The following SPG7 variants were observed in gnomAD, a reference collection of about 807,000 sequenced individuals.
The protein encoded by SPG7 is mitochondrial inner membrane m-AAA protease component paraplegin.
A neutral mutation model predicts 81.9 loss-of-function variants in SPG7; 103 were observed. The ratio of observed to expected loss-of-function variants is 1.26; its 90% CI spans 1.07 to 1.48. The LOEUF is 1.48. Ranked by LOEUF, SPG7 falls within the 40% of genes most tolerant of loss-of-function variation. SPG7 has a pLI of 0.00. For missense variants in SPG7, 1,241 were observed against 1,087.3 expected, an observed-to-expected ratio of 1.14 and a Z score of -1.99; for synonymous variants, 534 against 444.2, an observed-to-expected ratio of 1.20 and a Z score of -2.54.
rs574361328 is a variant in SPG7 at position 89,524,261 on chromosome 16, C to T, written c.618+14C>T. On this transcript the variant is annotated intron_variant, in intron 4 of 16. Transcript: ENST00000645818. ...TTTGGGCGGCCTGTGAGTGAGGGTGCGGGAGGCCTGTGAGTGAGGGTGTGG... is the reference window on the plus strand; with the variant it reads ...TTTGGGCGGCCTGTGAGTGAGGGTGTGGGAGGCCTGTGAGTGAGGGTGTGG... 8.2e-5 allele frequency: 132 copies of T among 1,601,424 alleles called. No homozygotes were observed. In the East Asian group the frequency reaches 2.7e-3, roughly 33 times the overall value.
intron 10 of SPG7, chr16:89,545,030 G>A: frequency 1.9e-6 from 1 of 540,400 alleles, no homozygotes; most frequent in Non-Finnish European, 3.4e-6. Flanking sequence ...TCACTGCTCG[G>A]GGTTTTGCAG....
intron 3 of SPG7, chr16:89,517,898 C>G (rs575363718): frequency 2.0e-5 from 3 of 152,182 alleles, no homozygotes; most frequent in African/African-American, 7.2e-5. Context: ...GGATTATAGG[C>G]GTGAGCCACC....
rs766401031 is a variant in SPG7 at position 89,532,569 on chromosome 16, C to G, written c.1257C>G (p.Thr419=). The G allele has an allele frequency of 8.7e-6, 14 of 1,613,820 alleles. No homozygotes were observed. The highest frequency in any genetic ancestry group is 2.2e-5 in the East Asian group (1 of 44,872). ...EIDAVGKKRS[T]TMSGFSNTEE... Reference sequence around the variant, plus strand: ...ACGCGGTGGGCAAGAAGCGCTCCACCACCATGTCCGGCTTCTCCAACACGG... The same window carrying G: ...ACGCGGTGGGCAAGAAGCGCTCCACGACCATGTCCGGCTTCTCCAACACGG... Residue 419 remains threonine, a synonymous_variant, in exon 9 of 17, where the codon ACC becomes ACG. Coordinates refer to ENST00000645818, the MANE Select transcript of SPG7 (RefSeq NM_003119.4).
intron 4 of SPG7, among the ~76,000 whole-genome samples, chr16:89,525,563 CAAAG>C (rs1240178923): frequency 4.6e-5 from 7 of 152,294 alleles, no homozygotes; most frequent in Admixed American, 2.0e-4. Flanking sequence ...CAGTTAACCT[CAAAG>C]AGAGTCCCGC....
chr16:89,547,971 C>G (rs751183024), intron 11 of SPG7, 32 bp from the exon 12 acceptor site: 2 of 1,551,586 alleles, frequency 1.3e-6, no homozygotes, highest in East Asian at 2.2e-5. Flanking sequence ...CAGAAACCCA[C>G]CCACCCACAC....
At position 89,532,484 on chromosome 16, in the gene SPG7, G is replaced by A. The variant is rs778409451; in HGVS notation, c.1172G>A (p.Arg391Gln). 35 of 1,613,436 alleles carry A rather than the reference G, an allele frequency of 2.2e-5. No homozygotes were observed. The highest frequency in any genetic ancestry group is 8.8e-5 in the South Asian group (8 of 91,092). Residue 391 changes from arginine to glutamine, a missense_variant, in exon 9 of 17, where the codon CGG becomes CAG. Arg to Gln is a conservative substitution (Grantham distance 43). Transcript: ENST00000645818. ...TCAGGCCTCGGCGCTGCCCGTGTGCGGAGCCTCTTTAAGGAAGCCCGAGCC... is the reference window on the plus strand; with the variant it reads ...TCAGGCCTCGGCGCTGCCCGTGTGCAGAGCCTCTTTAAGGAAGCCCGAGCC... ...VIGGLGAARVRSLFKEARARA... is the reference protein window; with the variant it reads ...VIGGLGAARVQSLFKEARARA...
chr16:89,556,756 C>T, intron 16 of SPG7, 131 bp from the exon 17 acceptor site: 1 of 772,086 alleles, frequency 1.3e-6, no homozygotes, highest in Non-Finnish European at 2.4e-6. Context: ...GCCTCCGCTT[C>T]CCTGGGAAAG....
chr16:89,546,846 GT>G, intron 11 of SPG7, 86 bp downstream of exon 11: 1 of 883,686 alleles, frequency 1.1e-6, no homozygotes. Context: ...GGCCTCCTCT[GT>G]GGGGTGGGCG....
rs1259969795 is a variant in SPG7, at chr16:89,557,174, G to C, written c.*81G>C. On this transcript the variant is annotated 3_prime_UTR_variant, in exon 17 of 17. Coordinates refer to ENST00000645818, the MANE Select transcript of SPG7 (RefSeq NM_003119.4). The stretch of plus-strand genomic sequence containing the variant: ...CACCCTGAGTTGCTTTTCAGCTGAG[G>C]TTTGCACTTCCTCTCGCGGCCCTCA... 1.9e-6 allele frequency: 2 copies of C among 1,036,530 alleles called. No individual in the cohort carries two copies. The highest frequency in any genetic ancestry group is 1.5e-6 in the Non-Finnish European group (1 of 676,196). 64.2% of individuals were successfully genotyped at this position (1,036,530 alleles called of 1,614,324 possible).
At chr16:89,523,390 G>A in intron 3 of SPG7, 1 of 314,468 alleles carries the variant, frequency 3.2e-6, no homozygotes, top group South Asian at 2.7e-5. Context: ...TCTTCAGTGG[G>A]ATTGGGAAGG....
At chr16:89,531,299 G>A (rs1002865918) in intron 7 of SPG7, 3 of 253,500 alleles carry the variant, frequency 1.2e-5, no homozygotes, top group South Asian at 5.0e-5. Context: ...TGAGGCAGGG[G>A]AGTGACTGAG....
At chr16:89,535,427 G>A (rs549341824) in intron 9 of SPG7, among the ~76,000 whole-genome samples, 63 of 152,332 alleles carry the variant, frequency 4.1e-4, no homozygotes, top group Middle Eastern at 3.4e-3. Flanking sequence ...TGTGCAGGAC[G>A]CAACGACGTT....
Position 89,529,575 on chromosome 16 carries a change from C to G in SPG7, c.857C>G (p.Ala286Gly). 6.2e-7 allele frequency: 1 copy of G among 1,608,706 alleles called. No individual in the cohort carries two copies. The highest frequency in any genetic ancestry group is 8.5e-7 in the Non-Finnish European group (1 of 1,175,172). The part of the protein sequence containing the change: ...GMTGREGGFS[A>G]FNQLKMARFT... The stretch of plus-strand genomic sequence containing the variant: ...ACTGGAAGGGAAGGTGGATTCAGTG[C>G]TTTTGTAAGTTCTGTAAATCAGAGC... The change falls in exon 6 of 17, where the codon GCT becomes GGT. Residue 286 changes from alanine to glycine, a missense_variant. Ala to Gly is a moderately conservative substitution (Grantham distance 60). Coordinates refer to ENST00000645818, the MANE Select transcript of SPG7 (RefSeq NM_003119.4).
intron 12 of SPG7, chr16:89,548,345 C>T (rs939264132): frequency 7.9e-6 from 4 of 507,052 alleles, no homozygotes; most frequent in African/African-American, 3.9e-5. Context: ...ATAAAAAATG[C>T]CTTGCCAAAG....
intron 8 of SPG7, among the ~76,000 whole-genome samples, 164 bp from the exon 9 acceptor site, chr16:89,532,299 G>A (rs2058354788): frequency 2.0e-5 from 3 of 152,212 alleles, no homozygotes; most frequent in Admixed American, 2.0e-4. Context: ...AACCCTGAGG[G>A]GTGGCCAGGG....
intron 9 of SPG7, chr16:89,542,294 G>A (rs11642231): frequency 0.34 from 51,568 of 152,074 alleles, 9,129 homozygotes; most frequent in Admixed American, 0.37. Context: ...GCCTTGGCAG[G>A]CCTTCCAGAC....
Position 89,524,271 on chromosome 16 carries a change from G to A in SPG7, c.618+24G>A, listed in dbSNP as rs1452573343. ...CTGTGAGTGAGGGTGCGGGAGGCCT[G>A]TGAGTGAGGGTGTGGGCACAGGCTG... On this transcript the variant is annotated intron_variant, in intron 4 of 16. Transcript: ENST00000645818. 3.1e-6 allele frequency: 5 copies of A among 1,596,552 alleles called. No individual in the cohort carries two copies. In the East Asian group the frequency reaches 1.1e-4, roughly 36 times the overall value.
At chr16:89,527,467 A>G (rs2058280022) in intron 5 of SPG7, 1 of 152,230 alleles carries the variant, frequency 6.6e-6, no homozygotes, top group African/African-American at 2.4e-5. Context: ...TTTGTTTTCA[A>G]AAGTAAGCGA....
intron 4 of SPG7, among the ~76,000 whole-genome samples, chr16:89,525,681 G>A (rs890815366): frequency 2.6e-5 from 4 of 152,224 alleles, no homozygotes; most frequent in Admixed American, 6.5e-5. Context: ...TTGGAGAATC[G>A]TGTGCCAGGG....
Sources: allele counts gnomAD v4.1 joint callset (sites outside exome capture counted in the v4.1 genomes callset), GRCh38; gene constraint gnomAD v4.1.1; transcripts MANE v1.5; gene names NCBI Gene and HGNC (gene_info 2026-07-23, HGNC 2026-07-21).